PTPA: variants seen among roughly 807,000 people sequenced by gnomAD.
PTPA encodes protein phosphatase 2 phosphatase activator, also known as serine/threonine-protein phosphatase 2A activator.
A neutral mutation model predicts 43.6 loss-of-function variants in PTPA; 13 were observed. That is an observed-to-expected ratio of 0.30 (90% CI 0.19 to 0.47). The LOEUF (loss-of-function observed/expected upper bound fraction) is 0.47, where lower values mean the gene tolerates loss of function less well. Ranked by LOEUF, PTPA falls within the 20% of genes least tolerant of loss-of-function variation. The pLI is 0.99. For synonymous variants in PTPA, 172 were observed against 158.2 expected (o/e 1.09, Z -0.66); for missense variants, 329 against 411.9 (o/e 0.80, Z 1.74).
At chr9:129,127,860 A>G (rs1030177389) in intron 3 of PTPA, 1 of 769,042 alleles carries the variant, frequency 1.3e-6, no homozygotes, top group South Asian at 1.5e-5. Flanking sequence ...GGTGGAAATA[A>G]CCCAAACATT....
intron 9 of PTPA, chr9:129,142,897 C>CT (rs1244765193): frequency 1.3e-6 from 2 of 1,492,480 alleles, no homozygotes; most frequent in African/African-American, 1.4e-5. Flanking sequence ...CTCGGGCAGT[C>CT]TGAGTCTGGC....
intron 6 of PTPA, 52 bp downstream of exon 6, chr9:129,134,946 T>C: frequency 6.8e-7 from 1 of 1,469,814 alleles, no homozygotes; most frequent in Non-Finnish European, 9.5e-7. Context: ...GGCCATCTGT[T>C]TCCTCCTCAA....
Position 129,134,956 on chromosome 9 carries a change from A to G in PTPA, c.560+62A>G, listed in dbSNP as rs760241852. On this transcript the variant is annotated intron_variant, in intron 6 of 9. Coordinates refer to ENST00000393370, the MANE Select transcript of PTPA (RefSeq NM_178000.3). ...TGAGGGGCCATCTGTTTCCTCCTCA[A>G]ACTGGGAAATGGGGTGCTCTAGGGT... 473 of 1,422,956 alleles carry G rather than the reference A, an allele frequency of 3.3e-4. 1 individual carries two copies. The highest frequency in any genetic ancestry group is 4.4e-4 in the Non-Finnish European group (447 of 1,015,354). The allele number at this position is 1,422,956 out of a possible 1,614,324, so 88.1% of individuals were successfully genotyped here.
chr9:129,116,575 C>T lies in PTPA; in HGVS notation c.32-3938C>T, dbSNP rs527645911. ...TAATTTTTTGTATTTTTAGTAGAGA[C>T]GGGGTTTCACCGTGTTAGCCAGGAT... On this transcript the variant is annotated intron_variant, in intron 1 of 9. Coordinates refer to ENST00000393370, the MANE Select transcript of PTPA (RefSeq NM_178000.3). 2.6e-5 allele frequency among the ~76,000 whole-genome samples: 4 copies of T among 152,122 alleles called. No homozygotes were observed. In the South Asian group the frequency reaches 6.2e-4, roughly 24 times the overall value.
chr9:129,131,418 T>G, intron 4 of PTPA, 104 bp from the exon 5 acceptor site: 2 of 963,966 alleles, frequency 2.1e-6, no homozygotes, highest in Non-Finnish European at 3.3e-6. Context: ...CAAGCTGGCC[T>G]GGCAAGGCAG....
rs1362112871 is a variant in PTPA, at chr9:129,123,450, C to T, written c.216+312C>T. On this transcript the variant is annotated intron_variant, in intron 3 of 9. Transcript: ENST00000393370. The stretch of plus-strand genomic sequence containing the variant: ...TCGCGCCACTGCACTCCAGCCTGGG[C>T]GACAGAGCGAGACTCTGTCTCAAAA... 4.0e-5 allele frequency among the ~76,000 whole-genome samples: 6 copies of T among 149,688 alleles called. No homozygotes were observed. In the South Asian group the frequency reaches 8.4e-4, roughly 21 times the overall value.
intron 7 of PTPA, among the ~76,000 whole-genome samples, chr9:129,136,987 G>A (rs1260505831): frequency 3.9e-5 from 6 of 152,230 alleles, no homozygotes; most frequent in Non-Finnish European, 5.9e-5. Flanking sequence ...TTATTATCGA[G>A]CTGTGTGCAA....
chr9:129,131,822 G>C (rs1849993167), intron 5 of PTPA, among the ~76,000 whole-genome samples, 183 bp downstream of exon 5: 1 of 152,184 alleles, frequency 6.6e-6, no homozygotes, highest in South Asian at 2.1e-4. Flanking sequence ...AGGCATGCAG[G>C]GAGGCCCGGA....
chr9:129,140,411 G>T (rs969841925), intron 8 of PTPA, among the ~76,000 whole-genome samples: 2 of 152,212 alleles, frequency 1.3e-5, no homozygotes, highest in Admixed American at 6.5e-5. Context: ...CCTGGGGGCA[G>T]CCTGCAGCCC....
rs533990896 is a variant in PTPA, at chr9:129,147,375, C to T, written c.895-12C>T. Reference sequence around the variant, plus strand: ...GCCCTCACCACTCTGCTCACCTGCTCCTTCCTCACAGTGCCTGGAGAAGTT... The same window carrying T: ...GCCCTCACCACTCTGCTCACCTGCTTCTTCCTCACAGTGCCTGGAGAAGTT... On this transcript the variant is annotated splice_polypyrimidine_tract_variant and intron_variant, in intron 9 of 9. Coordinates refer to ENST00000393370, the MANE Select transcript of PTPA (RefSeq NM_178000.3). The T allele has an allele frequency of 1.9e-6, 3 of 1,613,488 alleles. No individual in the cohort carries two copies. The highest frequency in any genetic ancestry group is 1.7e-6 in the Non-Finnish European group (2 of 1,179,714).
chr9:129,125,616 C>G (rs1454110935), intron 3 of PTPA, among the ~76,000 whole-genome samples: 2 of 152,078 alleles, frequency 1.3e-5, no homozygotes, highest in African/African-American at 4.8e-5. Flanking sequence ...TTCTGGAGTC[C>G]AGCTGGCTAG....
chr9:129,143,042 C>G (rs573925830), intron 9 of PTPA: 2 of 842,974 alleles, frequency 2.4e-6, no homozygotes, highest in Non-Finnish European at 3.6e-6. Context: ...TTTTATGGAC[C>G]GCTTCAGGGA....
At chr9:129,111,345 TG>T (rs2131517415), upstream of PTPA, 1 of 1,158,790 alleles carries the variant, frequency 8.6e-7, no homozygotes. Context: ...CGCACTGACA[TG>T]GCCGTCGCCC....
Position 129,120,582 on chromosome 9 carries a change from C to G in PTPA, c.101C>G (p.Pro34Arg), listed in dbSNP as rs1849189485. The G allele has an allele frequency of 4.3e-6, 7 of 1,613,654 alleles. No homozygotes were observed. In the East Asian group the frequency reaches 1.6e-4, roughly 36 times the overall value. ...IIPKKEIHTV[P>R]DMGKWKRSQA... is the part of the protein sequence containing the mutation. ...CCAAAAAAGGAGATCCACACAGTTC[C>G]AGACATGGGCAAATGGAAGCGTTCT... is the stretch of plus-strand genomic sequence containing the variant. The change falls in exon 2 of 10, where the codon CCA becomes CGA. Residue 34 changes from proline to arginine, a missense_variant. Coordinates refer to ENST00000393370, the MANE Select transcript of PTPA (RefSeq NM_178000.3).
In PTPA at chr9:129,120,568, G is replaced by A; in HGVS notation, c.87G>A (p.Glu29=). 6.2e-7 allele frequency: 1 copy of A among 1,613,804 alleles called. No homozygotes were observed. The highest frequency in any genetic ancestry group is 8.5e-7 in the Non-Finnish European group (1 of 1,179,810). The change falls in exon 2 of 10, where the codon GAG becomes GAA. Residue 29 remains glutamate (E), a synonymous_variant. Coordinates refer to ENST00000393370, the MANE Select transcript of PTPA (RefSeq NM_178000.3). ...ATQNFIIPKK[E]IHTVPDMGKW... ...AGAACTTCATCATTCCAAAAAAGGA[G>A]ATCCACACAGTTCCAGACATGGGCA...
intron 3 of PTPA, among the ~76,000 whole-genome samples, chr9:129,126,381 T>C (rs1003705840): frequency 2.0e-5 from 3 of 151,766 alleles, no homozygotes; most frequent in African/African-American, 4.8e-5. Flanking sequence ...GGTTTTTCCA[T>C]GTTGGTCAGG....
intron 1 of PTPA, chr9:129,119,451 G>A (rs1185197666): frequency 6.6e-6 from 1 of 151,742 alleles, no homozygotes; most frequent in East Asian, 1.9e-4. Flanking sequence ...TGTTGCCTGG[G>A]TTGGAGTGCA....
At chr9:129,113,975 G>A (rs1042736517) in intron 1 of PTPA, among the ~76,000 whole-genome samples, 9 of 152,126 alleles carry the variant, frequency 5.9e-5, no homozygotes, top group Admixed American at 1.3e-4. Context: ...CCTGGTTGTG[G>A]TCCTTTTTTG....
At position 129,136,453 on chromosome 9, in the gene PTPA, C is replaced by T; in HGVS notation, c.561-18C>T. Reference sequence around the variant, plus strand: ...TTTTACTTTTTGCTACCTTCCCTTTCCCTGTCCTCCTGTGCAGGTACCTTG... The same window carrying T: ...TTTTACTTTTTGCTACCTTCCCTTTTCCTGTCCTCCTGTGCAGGTACCTTG... On this transcript the variant is annotated intron_variant, in intron 6 of 9. Transcript: ENST00000393370. The T allele has an allele frequency of 1.3e-6, 2 of 1,599,412 alleles. No individual in the cohort carries two copies. The highest frequency in any genetic ancestry group is 1.7e-6 in the Non-Finnish European group (2 of 1,171,978).
Sources: gnomAD v4.1 joint callset for allele counts (sites outside exome capture counted in the v4.1 genomes callset) on GRCh38, gnomAD v4.1.1 for gene constraint, MANE v1.5 for transcripts, NCBI Gene and HGNC (gene_info 2026-07-23, HGNC 2026-07-21) for gene names.